The following PSD3 variants were observed in gnomAD, a reference collection of about 807,000 sequenced individuals.
The protein encoded by PSD3 is pleckstrin and Sec7 domain containing 3.
Under a neutral mutation model 105.5 loss-of-function variants are expected in PSD3, and 49 were observed. That is an observed-to-expected ratio of 0.46 (90% confidence interval 0.37 to 0.59). The LOEUF (loss-of-function observed/expected upper bound fraction) is 0.59, where lower values mean the gene tolerates loss of function less well. PSD3 is among the 20% of genes least tolerant of loss of function. The pLI, the probability that PSD3 is intolerant of heterozygous loss-of-function variation, is 0.00. For missense variants in PSD3, 1,561 were observed against 1,263.8 expected (o/e 1.24, Z -3.57); for synonymous variants, 557 against 457.8 (o/e 1.22, Z -2.77).
At chr8:19,050,195 A>T (rs1334113067) in intron 1 of PSD3, among the ~76,000 whole-genome samples, 7 of 152,186 alleles carry the variant, frequency 4.6e-5, no homozygotes. Flanking sequence ...TTCTAATTAA[A>T]ATGACTCTGT....
At chr8:18,575,379 A>T in intron 12 of PSD3, 94 bp from the exon 13 acceptor site, 1 of 1,205,846 alleles carries the variant, frequency 8.3e-7, no homozygotes, top group Non-Finnish European at 1.1e-6. Context: ...AGTTTTTAGG[A>T]AATCCAAGTA....
intron 1 of PSD3, among the ~76,000 whole-genome samples, chr8:19,061,336 G>T (rs1828887975): frequency 6.6e-6 from 1 of 152,040 alleles, no homozygotes; most frequent in Non-Finnish European, 1.5e-5. Context: ...ATTAAAAAAG[G>T]ATATAGTGAA....
chr8:18,841,467 AACACAC>A lies in PSD3; in HGVS notation c.1634+26201_1634+26206del, dbSNP rs35771611. Among the ~76,000 whole-genome samples the A allele has an allele frequency of 6.8e-3, 1,012 of 148,236 alleles. 11 individuals carry two copies. The highest frequency in any genetic ancestry group is 0.023 in the African/African-American group (922 of 40,658). ...TATTTTTAAGAGTGTCTGCTATTTA[AACACAC>A]ACACACACACACACACACACACACA... On this transcript the variant is annotated intron_variant, in intron 4 of 15. Transcript: ENST00000327040.
chr8:18,770,803 G>A (rs1272504023), intron 8 of PSD3, among the ~76,000 whole-genome samples: 1 of 152,232 alleles, frequency 6.6e-6, no homozygotes, highest in Non-Finnish European at 1.5e-5. Flanking sequence ...CCTTCTGCCA[G>A]CAAGGGCAAA....
intron 2 of PSD3, 116 bp downstream of exon 2, chr8:18,935,918 A>AG (rs1399626209): frequency 1.6e-6 from 1 of 613,662 alleles, no homozygotes; most frequent in African/African-American, 1.8e-5. Flanking sequence ...ATGAATAATT[A>AG]GGGAAAGCAG....
intron 1 of PSD3, among the ~76,000 whole-genome samples, chr8:18,968,660 A>C (rs892209538): frequency 6.6e-6 from 1 of 152,136 alleles, no homozygotes. Flanking sequence ...GCAGATCACG[A>C]GGTCAGGAGT....
chr8:18,866,818 TACAGCTTTAA>T (rs1816970946), intron 4 of PSD3, among the ~76,000 whole-genome samples: 2 of 151,666 alleles, frequency 1.3e-5, no homozygotes, highest in South Asian at 2.1e-4. Context: ...TATTATTTAA[TACAGCTTTAA>T]ACAGCTTTAA....
intron 10 of PSD3, among the ~76,000 whole-genome samples, chr8:18,633,113 C>T (rs948948137): frequency 6.6e-5 from 10 of 152,008 alleles, no homozygotes; most frequent in African/African-American, 2.4e-4. Context: ...ATCATAAAAT[C>T]CCTAAAGTCA....
rs1161757222 is a variant in PSD3, at chr8:18,528,596, T to C, written c.*7147A>G. On this transcript the variant is annotated 3_prime_UTR_variant, in exon 16 of 16. Transcript: ENST00000327040. ...AGTGAAGTGGCGGCCGGGGGAGAGG[T>C]TCCTCTTTGCAGAGATGATGTGTTA... 2 of 151,972 alleles carry C rather than the reference T, an allele frequency of 1.3e-5. No individual in the cohort carries two copies. Among genetic ancestry groups the C allele is most frequent in the African/African-American group, 4.8e-5 (2 of 41,328 alleles). 9.4% of individuals were successfully genotyped at this position (151,972 alleles called of 1,614,324 possible). A position where few individuals can be genotyped will look rare whatever the true frequency, so the allele number is the denominator to read the frequency against.
intron 8 of PSD3, among the ~76,000 whole-genome samples, chr8:18,767,825 C>T (rs1455919776): frequency 6.6e-6 from 1 of 152,006 alleles, no homozygotes; most frequent in Non-Finnish European, 1.5e-5. Context: ...TACTACTATG[C>T]ATAAATGTAT....
At chr8:18,951,591 A>T (rs1016280907) in intron 1 of PSD3, among the ~76,000 whole-genome samples, 1 of 152,238 alleles carries the variant, frequency 6.6e-6, no homozygotes, top group South Asian at 2.1e-4. Flanking sequence ...ACTGATGTTA[A>T]CATTGTTAGT....
intron 9 of PSD3, among the ~76,000 whole-genome samples, chr8:18,752,520 A>ATATATATAATTATATATTACATATAT (rs1805607978): frequency 2.7e-5 from 2 of 72,904 alleles, no homozygotes; most frequent in Non-Finnish European, 4.5e-5. Context: ...AATATATGTA[A>ATATATATAATTATATATTACATATAT]TATATATAAT....
intron 1 of PSD3, among the ~76,000 whole-genome samples, chr8:19,008,694 A>G (rs910460380): frequency 2.0e-5 from 3 of 152,206 alleles, no homozygotes; most frequent in African/African-American, 7.2e-5. Context: ...AAAATTTTCT[A>G]CTTCTCTTGT....
intron 2 of PSD3, among the ~76,000 whole-genome samples, chr8:18,894,814 C>A (rs896517680): frequency 1.3e-5 from 2 of 152,178 alleles, no homozygotes; most frequent in African/African-American, 2.4e-5. Flanking sequence ...GAAGCTCACA[C>A]ATGGTCTAGT....
At chr8:18,910,816 A>T (rs1820169102) in intron 2 of PSD3, among the ~76,000 whole-genome samples, 1 of 152,056 alleles carries the variant, frequency 6.6e-6, no homozygotes, top group Non-Finnish European at 1.5e-5. Flanking sequence ...TATTTTAACA[A>T]AGAAATTGTG....
In PSD3 at chr8:19,028,287, C is replaced by T. The variant is rs1354824896; in HGVS notation, c.324+55919G>A. Among the ~76,000 whole-genome samples the T allele has an allele frequency of 1.4e-3, 150 of 110,122 alleles. 1 individual carries two copies. Among genetic ancestry groups the T allele is most frequent in the Non-Finnish European group, 2.1e-3 (109 of 52,108 alleles). 72.2% of individuals were successfully genotyped at this position (110,122 alleles called of 152,430 possible). A position where few individuals can be genotyped will look rare whatever the true frequency, so the allele number is the denominator to read the frequency against. ...TGCCACCTCTCACACCACCCCCCCC[C>T]CCCGGCCCACCCTTTTTTTTTTTTT... On this transcript the variant is annotated intron_variant, in intron 1 of 1. Coordinates refer to the PSD3 transcript ENST00000521475.
chr8:18,818,850 A>C lies in PSD3; in HGVS notation c.1635-13952T>G, dbSNP rs1292919982. 2.6e-5 allele frequency among the ~76,000 whole-genome samples: 4 copies of C among 152,042 alleles called. No homozygotes were observed. In the East Asian group the frequency reaches 7.7e-4, roughly 29 times the overall value. ...AACCTCCTAACAGATTGTTAGAGTA[A>C]ATTTAAATAGGAATCCCCTTGGACT... is the stretch of plus-strand genomic sequence containing the variant. On this transcript the variant is annotated intron_variant, in intron 4 of 15. Coordinates refer to ENST00000327040, the MANE Select transcript of PSD3 (RefSeq NM_015310.4).
rs1305470156 is a variant in PSD3 at position 18,586,678 on chromosome 8, C to T, written c.2482-11393G>A. Among the ~76,000 whole-genome samples, 6 of 152,182 alleles carry T rather than the reference C, an allele frequency of 3.9e-5. No homozygotes were observed. In the South Asian group the frequency reaches 1.2e-3, roughly 32 times the overall value. On this transcript the variant is annotated intron_variant, in intron 12 of 15. Transcript: ENST00000327040. ...CAGCCATTATGAATTCTTTCGAAGA[C>T]CAATTTGATTCATTTAATCAGGGAA...
intron 1 of PSD3, among the ~76,000 whole-genome samples, chr8:18,961,305 A>C (rs554395904): frequency 1.2e-4 from 19 of 152,376 alleles, no homozygotes; most frequent in African/African-American, 4.1e-4. Context: ...AGTTACTAAC[A>C]CAATGACACA....
Sources: gnomAD v4.1 joint callset for allele counts (sites outside exome capture counted in the v4.1 genomes callset) on GRCh38, gnomAD v4.1.1 for gene constraint, MANE v1.5 for transcripts, NCBI Gene and HGNC (gene_info 2026-07-23, HGNC 2026-07-21) for gene names.